The following RABGAP1L variants were observed in gnomAD, a reference collection of about 807,000 sequenced individuals.
RABGAP1L encodes rab GTPase-activating protein 1-like.
Under a neutral mutation model 137.7 loss-of-function variants are expected in RABGAP1L, and 63 were observed. That is an observed-to-expected ratio of 0.46 (90% CI 0.37 to 0.56). The LOEUF is 0.56. RABGAP1L is among the 20% of genes least tolerant of loss of function. RABGAP1L has a pLI of 0.00. For missense variants in RABGAP1L, 1,095 were observed against 1,244.0 expected (o/e 0.88, Z 1.80); for synonymous variants, 431 against 433.7 (o/e 0.99, Z 0.08).
intron 13 of RABGAP1L, among the ~76,000 whole-genome samples, chr1:174,516,578 T>C (rs1017787375): frequency 6.6e-6 from 1 of 152,122 alleles, no homozygotes; most frequent in Non-Finnish European, 1.5e-5. Context: ...TACTTGAATA[T>C]AAAGGCCAAA....
intron 19 of RABGAP1L, chr1:174,875,492 TACCTTCCA>T (rs1188527372): frequency 3.1e-6 from 3 of 982,620 alleles, no homozygotes; most frequent in Non-Finnish European, 3.6e-6. Context: ...GTACTTTCTT[TACCTTCCA>T]CAACAGGTGT....
At chr1:174,458,116 A>G (rs893981739) in intron 13 of RABGAP1L, among the ~76,000 whole-genome samples, 5 of 152,220 alleles carry the variant, frequency 3.3e-5, no homozygotes, top group African/African-American at 9.6e-5. Flanking sequence ...TGGACTTTAT[A>G]TGGATAACTA....
intron 19 of RABGAP1L, among the ~76,000 whole-genome samples, chr1:174,940,050 G>T (rs1665597572): frequency 6.6e-6 from 1 of 152,118 alleles, no homozygotes; most frequent in African/African-American, 2.4e-5. Flanking sequence ...CATCCCAATG[G>T]AGTTTGGAAA....
At position 174,221,156 on chromosome 1, in the gene RABGAP1L, C is replaced by T. The variant is rs1397585091; in HGVS notation, c.323C>T (p.Ser108Phe). Residue 108 changes from serine (S) to phenylalanine (F), a missense_variant, in exon 3 of 26, where the codon TCT becomes TTT. This residue lies in a region of RABGAP1L where 356 missense variants were observed against 326.3 expected (regional missense o/e 1.09). Transcript: ENST00000681986. ...TCTCTTCAGTTAATTTTGGATCCGT[C>T]TAACACAGGTACTGTATTGAATTCT... ...KPSLQLILDP[S>F]NTEISTPRPS... 1.9e-6 allele frequency: 3 copies of T among 1,600,846 alleles called. No individual in the cohort carries two copies. In the Admixed American group the frequency reaches 5.1e-5, roughly 27 times the overall value.
chr1:174,324,832 A>G (rs1680299060), intron 11 of RABGAP1L, among the ~76,000 whole-genome samples: 1 of 152,224 alleles, frequency 6.6e-6, no homozygotes, highest in South Asian at 2.1e-4. Context: ...AGGAGGTTTA[A>G]TAAGATAAAG....
chr1:174,424,011 A>G (rs1651663142), intron 13 of RABGAP1L, among the ~76,000 whole-genome samples: 1 of 152,180 alleles, frequency 6.6e-6, no homozygotes, highest in South Asian at 2.1e-4. Context: ...ACAGTTTATA[A>G]GAGTGGTATA....
chr1:174,531,395 T>A (rs1433249874), intron 13 of RABGAP1L, among the ~76,000 whole-genome samples: 6 of 152,126 alleles, frequency 3.9e-5, no homozygotes, highest in Admixed American at 6.5e-5. Context: ...AGAAGCAGTC[T>A]AAGATGCACA....
chr1:174,334,931 A>G (rs1021957747), intron 11 of RABGAP1L, among the ~76,000 whole-genome samples: 2 of 152,158 alleles, frequency 1.3e-5, no homozygotes, highest in Admixed American at 6.6e-5. Context: ...ATAAAATACA[A>G]TTTTCAATTA....
chr1:174,547,762 A>T (rs1666136750), intron 13 of RABGAP1L: 1 of 1,250,786 alleles, frequency 8.0e-7, no homozygotes, highest in Admixed American at 2.3e-5. Context: ...TTTGTATTTA[A>T]ATTGACGTTA....
At chr1:174,392,267 A>G (rs955317516) in intron 12 of RABGAP1L, among the ~76,000 whole-genome samples, 3 of 152,188 alleles carry the variant, frequency 2.0e-5, no homozygotes, top group Admixed American at 6.5e-5. Context: ...TTTTAATTCT[A>G]TTACACAGAT....
chr1:174,701,168 G>T, intron 16 of RABGAP1L: 1 of 1,300,348 alleles, frequency 7.7e-7, no homozygotes, highest in Non-Finnish European at 1.0e-6. Context: ...CTAATACTTT[G>T]TACCTTGCTG....
intron 7 of RABGAP1L, among the ~76,000 whole-genome samples, chr1:174,267,356 T>C (rs75843751): frequency 1.2e-3 from 188 of 152,302 alleles, no homozygotes; most frequent in African/African-American, 4.3e-3. Context: ...AGGACACTTA[T>C]GGAGATGTAG....
At chr1:174,783,908 C>G (rs1455457135) in intron 18 of RABGAP1L, among the ~76,000 whole-genome samples, 2 of 150,734 alleles carry the variant, frequency 1.3e-5, no homozygotes, top group South Asian at 2.1e-4. Flanking sequence ...AGGGGTTTCA[C>G]CATATTGGCC....
intron 13 of RABGAP1L, among the ~76,000 whole-genome samples, chr1:174,556,468 T>A (rs1572312851): frequency 6.6e-6 from 1 of 152,158 alleles, no homozygotes; most frequent in African/African-American, 2.4e-5. Flanking sequence ...GGGAGGCCAG[T>A]TAGGAGGCTG....
At chr1:174,969,518 G>A (rs1427282436) in intron 21 of RABGAP1L, 131 bp downstream of exon 21, 3 of 672,956 alleles carry the variant, frequency 4.5e-6, no homozygotes, top group African/African-American at 3.6e-5. Flanking sequence ...GGGACAGTCT[G>A]TTAATTGGAG....
intron 17 of RABGAP1L, among the ~76,000 whole-genome samples, chr1:174,709,479 A>G (rs779103095): frequency 1.3e-5 from 2 of 152,182 alleles, no homozygotes; most frequent in African/African-American, 2.4e-5. Flanking sequence ...AGAGGAAGGA[A>G]CAGACAGCGA....
At chr1:174,328,492 G>A (rs1046809293) in intron 11 of RABGAP1L, among the ~76,000 whole-genome samples, 18 of 152,064 alleles carry the variant, frequency 1.2e-4, no homozygotes, top group South Asian at 2.1e-4. Context: ...TTTCTTGGCC[G>A]GGCACGTTGT....
At chr1:174,942,320 T>C (rs1466477420) in intron 19 of RABGAP1L, among the ~76,000 whole-genome samples, 16 of 152,234 alleles carry the variant, frequency 1.1e-4, no homozygotes, top group Non-Finnish European at 1.6e-4. Context: ...AGGGCAGTTA[T>C]TTCTCTTGTT....
At chr1:174,892,512 C>T (rs1235117479) in intron 19 of RABGAP1L, 5 of 499,984 alleles carry the variant, frequency 1.0e-5, no homozygotes, top group Non-Finnish European at 2.0e-5. Context: ...CTGGTTTTCA[C>T]AAAAGTTTCT....
Sources: gnomAD v4.1 joint callset for allele counts (sites outside exome capture counted in the v4.1 genomes callset) on GRCh38, gnomAD v4.1.1 for gene constraint, gnomAD v4.1.1 regional missense constraint, MANE v1.5 for transcripts, NCBI Gene and HGNC (gene_info 2026-07-23, HGNC 2026-07-21) for gene names.